The following CDH10 variants were observed in gnomAD, a reference collection of about 807,000 sequenced individuals.
CDH10 encodes cadherin-10.
CDH10 carries 30 observed loss-of-function variants against 73.1 expected under a neutral mutation model. The observed-to-expected ratio is 0.41, with a 90% CI of 0.31 to 0.56. CDH10 has a LOEUF of 0.56. CDH10 is among the 20% of genes least tolerant of loss of function. The pLI, the probability that CDH10 is intolerant of heterozygous loss-of-function variation, is 0.27. For synonymous variants in CDH10, 345 were observed against 348.2 expected, an observed-to-expected ratio of 0.99 and a Z score of 0.10; for missense variants, 815 against 973.7, an observed-to-expected ratio of 0.84 and a Z score of 2.17.
intron 2 of CDH10, among the ~76,000 whole-genome samples, chr5:24,590,541 T>C (rs545522899): frequency 1.3e-5 from 2 of 151,968 alleles, no homozygotes; most frequent in African/African-American, 2.4e-5. Context: ...GGTTTTCTGA[T>C]TGACAGTTGT....
chr5:24,582,808 A>C (rs1271480814), intron 2 of CDH10, among the ~76,000 whole-genome samples: 1 of 152,142 alleles, frequency 6.6e-6, no homozygotes, highest in African/African-American at 2.4e-5. Flanking sequence ...TCACTCATAA[A>C]TCTTTTCACT....
chr5:24,603,864 T>C (rs920827076), intron 1 of CDH10, among the ~76,000 whole-genome samples: 2 of 152,032 alleles, frequency 1.3e-5, no homozygotes, highest in Non-Finnish European at 2.9e-5. Flanking sequence ...ATCATACATA[T>C]TGAAAAGGAA....
Position 24,567,982 on chromosome 5 carries a change from T to C in CDH10, c.231+25278A>G, listed in dbSNP as rs561214665. Among the ~76,000 whole-genome samples the C allele has an allele frequency of 2.6e-5, 4 of 152,262 alleles. No homozygotes were observed. The South Asian group carries it at 8.3e-4, about 32-fold the overall frequency. On this transcript the variant is annotated intron_variant, in intron 2 of 11. Coordinates refer to ENST00000264463, the MANE Select transcript of CDH10 (RefSeq NM_006727.5). ...AGTCTCACCCAAAAAATTCAATTTT[T>C]AATCATGATCAAAACAGGAATGCAA...
intron 2 of CDH10, among the ~76,000 whole-genome samples, chr5:24,583,308 A>C (rs1295686063): frequency 2.0e-5 from 3 of 151,988 alleles, no homozygotes; most frequent in African/African-American, 4.8e-5. Flanking sequence ...TTTCTCTTGG[A>C]ATATGTAACA....
intron 2 of CDH10, among the ~76,000 whole-genome samples, chr5:24,539,098 T>C (rs1245550679): frequency 6.6e-6 from 1 of 152,042 alleles, no homozygotes; most frequent in Non-Finnish European, 1.5e-5. Context: ...TGTTTTAATA[T>C]TTACATAAAA....
intron 1 of CDH10, among the ~76,000 whole-genome samples, chr5:24,615,090 C>T (rs1232716454): frequency 1.3e-5 from 2 of 152,166 alleles, no homozygotes; most frequent in African/African-American, 4.8e-5. Flanking sequence ...ACCCACAATC[C>T]ATGATAATAC....
At chr5:24,607,341 C>T (rs1031046631) in intron 1 of CDH10, among the ~76,000 whole-genome samples, 6 of 151,952 alleles carry the variant, frequency 3.9e-5, no homozygotes, top group African/African-American at 1.5e-4. Flanking sequence ...TTTAGACTTA[C>T]AAGTATATGA....
intron 8 of CDH10, among the ~76,000 whole-genome samples, chr5:24,504,699 G>A (rs1274531409): frequency 3.3e-5 from 5 of 151,252 alleles, no homozygotes; most frequent in African/African-American, 1.2e-4. Context: ...CTAATTTTTT[G>A]TATTTTAGTA....
intron 2 of CDH10, among the ~76,000 whole-genome samples, chr5:24,554,502 GTGTGTGTGTGTGTGT>G (rs1744689096): frequency 6.6e-6 from 1 of 151,354 alleles, no homozygotes; most frequent in African/African-American, 2.4e-5. Context: ...GTGTGTGTGT[GTGTGTGTGTGTGTGT>G]GTGCACGTGC....
chr5:24,540,168 A>G (rs768394457), intron 2 of CDH10, among the ~76,000 whole-genome samples: 30 of 151,956 alleles, frequency 2.0e-4, no homozygotes, highest in Non-Finnish European at 4.1e-4. Flanking sequence ...CCAGGAATCA[A>G]TTAGGATTTG....
In CDH10 at chr5:24,528,869, C is replaced by T. The variant is rs951573050; in HGVS notation, c.814+6243G>A. Among the ~76,000 whole-genome samples, 16 of 152,012 alleles carry T rather than the reference C, an allele frequency of 1.1e-4. No individual in the cohort carries two copies. The East Asian group carries it at 1.4e-3, about 13-fold the overall frequency. On this transcript the variant is annotated intron_variant, in intron 5 of 11. Coordinates refer to ENST00000264463, the MANE Select transcript of CDH10 (RefSeq NM_006727.5). ...GCTTAAAAGCCGAATAACCTGGATCCGCAACCTGCTTCTTATTTATTTCAT... is the reference window on the plus strand; with the variant it reads ...GCTTAAAAGCCGAATAACCTGGATCTGCAACCTGCTTCTTATTTATTTCAT...
chr5:24,604,871 T>A (rs544184456), intron 1 of CDH10, among the ~76,000 whole-genome samples: 1 of 116,350 alleles, frequency 8.6e-6, no homozygotes, highest in Non-Finnish European at 1.7e-5. Context: ...AAGATGTCTC[T>A]AAAAAAAAAA....
At chr5:24,535,584 G>T in intron 4 of CDH10, 119 bp downstream of exon 4, 1 of 871,562 alleles carries the variant, frequency 1.1e-6, no homozygotes, top group Non-Finnish European at 1.8e-6. Context: ...TAAGTGTTGT[G>T]TCTTCACTCA....
intron 5 of CDH10, among the ~76,000 whole-genome samples, chr5:24,513,958 G>C (rs555412770): frequency 6.6e-6 from 1 of 152,012 alleles, no homozygotes; most frequent in Admixed American, 6.6e-5. Context: ...TCATCACCAG[G>C]CATTCTATTA....
chr5:24,575,634 TG>T (rs1403750173), intron 2 of CDH10, among the ~76,000 whole-genome samples: 1 of 152,124 alleles, frequency 6.6e-6, no homozygotes, highest in African/African-American at 2.4e-5. Flanking sequence ...TTTTATTGAA[TG>T]ATTGAATAAA....
At chr5:24,500,814 T>C (rs1398818145) in intron 8 of CDH10, among the ~76,000 whole-genome samples, 3 of 152,216 alleles carry the variant, frequency 2.0e-5, no homozygotes, top group Non-Finnish European at 4.4e-5. Context: ...TAAAAACTTA[T>C]GCTTTCTCCA....
At chr5:24,547,260 C>T (rs988142012) in intron 2 of CDH10, among the ~76,000 whole-genome samples, 1 of 152,142 alleles carries the variant, frequency 6.6e-6, no homozygotes, top group South Asian at 2.1e-4. Context: ...AGCAGGCCAA[C>T]GTTCCCACTG....
At position 24,554,104 on chromosome 5, in the gene CDH10, AGGTGGGC is replaced by A. The variant is rs1561159129; in HGVS notation, c.232-16437_232-16431del. On this transcript the variant is annotated intron_variant, in intron 2 of 11. Coordinates refer to ENST00000264463, the MANE Select transcript of CDH10 (RefSeq NM_006727.5). ...GAGAGACAGAGAGAGAGAGAAGGGGAGGTGGGCGGGGGGGGGAGAGAGAGAGACATTC... is the reference window on the plus strand; with the variant it reads ...GAGAGACAGAGAGAGAGAGAAGGGGAGGGGGGGGGAGAGAGAGAGACATTC... The A allele has an allele frequency of 1.3e-4, 5 of 38,612 alleles. 1 individual carries two copies. Among genetic ancestry groups the A allele is most frequent in the East Asian group, 2.1e-3 (2 of 966 alleles). 2.4% of individuals were successfully genotyped at this position (38,612 alleles called of 1,614,324 possible). A position where few individuals can be genotyped will look rare whatever the true frequency, so the allele number is the denominator to read the frequency against.
At chr5:24,608,452 C>T (rs574032393) in intron 1 of CDH10, among the ~76,000 whole-genome samples, 2 of 151,982 alleles carry the variant, frequency 1.3e-5, no homozygotes, top group African/African-American at 4.8e-5. Flanking sequence ...ACCACCACGC[C>T]CAGCTAATTT....
Sources: allele counts gnomAD v4.1 joint callset (sites outside exome capture counted in the v4.1 genomes callset), GRCh38; gene constraint gnomAD v4.1.1; transcripts MANE v1.5; gene names NCBI Gene and HGNC (gene_info 2026-07-23, HGNC 2026-07-21).